Variants in SCML2 observed in about 807,000 individuals in gnomAD.
SCML2 encodes Scm polycomb group protein like 2, also known as sex comb on midleg-like protein 2.
Under a neutral mutation model 48.4 loss-of-function variants are expected in SCML2, and 6 were observed. That is an observed-to-expected ratio of 0.12 (90% CI 0.07 to 0.24). The LOEUF (loss-of-function observed/expected upper bound fraction) is 0.24, where lower values mean the gene tolerates loss of function less well. Ranked by LOEUF, SCML2 falls within the 10% of genes least tolerant of loss-of-function variation. SCML2 has a pLI of 1.00. For missense variants in SCML2, 377 were observed against 528.2 expected, an observed-to-expected ratio of 0.71 and a Z score of 2.81; for synonymous variants, 181 against 189.5, an observed-to-expected ratio of 0.95 and a Z score of 0.37.
At chrX:18,289,703 C>A (rs991404121) in intron 7 of SCML2, among the ~76,000 whole-genome samples, 2 of 111,726 alleles carry the variant, frequency 1.8e-5, no homozygotes, top group Non-Finnish European at 3.8e-5. Context: ...CCTACAAAAA[C>A]AGGGAGAAAG....
rs183507130 is a variant in SCML2, at chrX:18,341,080, G to A, written c.-24-6985C>T. ...TTTATTTGTTTGTTCGAATTAATAAGAGCAAATACCTAGGCCTTGGGGCTG... is the reference window on the plus strand; with the variant it reads ...TTTATTTGTTTGTTCGAATTAATAAAAGCAAATACCTAGGCCTTGGGGCTG... On this transcript the variant is annotated intron_variant, in intron 1 of 14. Coordinates refer to ENST00000251900, the MANE Select transcript of SCML2 (RefSeq NM_006089.3). 34 of 142,115 alleles carry A rather than the reference G, an allele frequency of 2.4e-4. No individual in the cohort carries two copies. In the East Asian group the frequency reaches 6.3e-3, roughly 26 times the overall value. The allele number at this position is 142,115 out of a possible 1,213,427, so 11.7% of individuals were successfully genotyped here. A position where few individuals can be genotyped will look rare whatever the true frequency, so the allele number is the denominator to read the frequency against.
intron 7 of SCML2, among the ~76,000 whole-genome samples, chrX:18,304,189 G>A (rs1316125382): frequency 1.8e-5 from 2 of 111,108 alleles, no homozygotes; most frequent in Non-Finnish European, 3.8e-5. Flanking sequence ...CCAGGCACAC[G>A]CCACCGCGCC....
chrX:18,247,924 A>C (rs1343862066), intron 11 of SCML2, 42 bp from the exon 12 acceptor site: 1 of 945,264 alleles, frequency 1.1e-6, no homozygotes, highest in Non-Finnish European at 1.5e-6. Context: ...TAACGAACTA[A>C]TATACTCAAG....
At chrX:18,350,920 G>C (rs1040490953) in intron 1 of SCML2, among the ~76,000 whole-genome samples, 77 of 111,064 alleles carry the variant, frequency 6.9e-4, no homozygotes, top group African/African-American at 2.0e-3. Context: ...CCAAGACAAA[G>C]AGATCCTGAA....
At chrX:18,263,177 A>G (rs1318383608) in intron 8 of SCML2, among the ~76,000 whole-genome samples, 1 of 110,509 alleles carries the variant, frequency 9.0e-6, no homozygotes, top group Non-Finnish European at 1.9e-5. Flanking sequence ...GGGGATTAGA[A>G]TGTACATCCT....
rs1929398269 is a variant in SCML2 at position 18,323,915 on chromosome X, T to A, written c.341A>T (p.Asp114Val). 1 of 1,209,549 alleles carries A rather than the reference T, an allele frequency of 8.3e-7. No homozygotes were observed. ...NDFWRLVDSP[D>V]IQPVGTCEKE... ...TTCACATGTCCCAACAGGTTGTATG[T>A]CTGGGGAATCGACAAGCCTCCAAAA... Residue 114 changes from aspartate to valine, a missense_variant, in exon 5 of 15, where the codon GAC becomes GTC. This residue lies in a region of SCML2 where 17 missense variants were observed against 42.8 expected (regional missense o/e 0.40). Transcript: ENST00000251900.
chrX:18,324,986 A>C lies in SCML2; in HGVS notation c.92-9T>G, dbSNP rs1472753207. Reference sequence around the variant, plus strand: ...CTCCCAGTGGAAATCATCTGGAAAAAACACATGTGCAAAATAGTTTCTTAA... The same window carrying C: ...CTCCCAGTGGAAATCATCTGGAAAACACACATGTGCAAAATAGTTTCTTAA... On this transcript the variant is annotated splice_polypyrimidine_tract_variant and intron_variant, in intron 3 of 14. Coordinates refer to ENST00000251900, the MANE Select transcript of SCML2 (RefSeq NM_006089.3). 2 of 1,159,008 alleles carry C rather than the reference A, an allele frequency of 1.7e-6. No homozygotes were observed. The highest frequency in any genetic ancestry group is 4.4e-5 in the Admixed American group (2 of 45,269).
At chrX:18,286,821 TCAC>T (rs888394323) in intron 7 of SCML2, among the ~76,000 whole-genome samples, 6 of 111,750 alleles carry the variant, frequency 5.4e-5, no homozygotes, top group South Asian at 3.7e-4. Context: ...TTGCAACTGA[TCAC>T]CACAAGGAAA....
At chrX:18,251,404 G>T (rs1245538674) in intron 11 of SCML2, among the ~76,000 whole-genome samples, 3 of 107,482 alleles carry the variant, frequency 2.8e-5, no homozygotes, top group Non-Finnish European at 5.7e-5. Context: ...CCTCATATAG[G>T]ACTTGTATCC....
intron 1 of SCML2, 92 bp downstream of exon 1, chrX:18,354,500 T>C: frequency 4.4e-6 from 1 of 226,164 alleles, no homozygotes; most frequent in Non-Finnish European, 8.1e-6. Context: ...CGCGCGCTGA[T>C]GGCTTCTACC....
chrX:18,282,347 T>G (rs1927891369), intron 7 of SCML2, among the ~76,000 whole-genome samples: 1 of 110,384 alleles, frequency 9.1e-6, no homozygotes, highest in Non-Finnish European at 1.9e-5. Flanking sequence ...TATGGACAAC[T>G]CTATGCAAGG....
chrX:18,293,902 G>A (rs1023972696), intron 7 of SCML2, among the ~76,000 whole-genome samples: 11 of 112,201 alleles, frequency 9.8e-5, no homozygotes, highest in African/African-American at 3.2e-4. Context: ...CACAGAAAGT[G>A]TCTTTCGAGG....
intron 2 of SCML2, among the ~76,000 whole-genome samples, chrX:18,333,268 C>A (rs1048796254): frequency 9.1e-6 from 1 of 109,898 alleles, no homozygotes; most frequent in Non-Finnish European, 1.9e-5. Flanking sequence ...CAGAGCAAAA[C>A]CCTGTCTCAA....
At chrX:18,271,361 ACT>A (rs757600488) in intron 7 of SCML2, among the ~76,000 whole-genome samples, 19 of 108,944 alleles carry the variant, frequency 1.7e-4, no homozygotes, top group Non-Finnish European at 3.6e-4. Flanking sequence ...CCAATATGCC[ACT>A]CTGCTTTCTG....
chrX:18,269,301 G>A (rs1377168081), intron 7 of SCML2, among the ~76,000 whole-genome samples: 1 of 111,280 alleles, frequency 9.0e-6, no homozygotes, highest in African/African-American at 3.3e-5. Flanking sequence ...TTTCCCCCAT[G>A]CTGTTCTCGT....
At chrX:18,354,412 G>A (rs1387207858) in intron 1 of SCML2, among the ~76,000 whole-genome samples, 180 bp downstream of exon 1, 6 of 111,809 alleles carry the variant, frequency 5.4e-5, no homozygotes, top group African/African-American at 1.6e-4. Context: ...GAAGGCGCCG[G>A]GGGCGGGATA....
intron 11 of SCML2, among the ~76,000 whole-genome samples, chrX:18,254,508 T>A (rs956738706): frequency 2.1e-4 from 24 of 112,844 alleles, no homozygotes; most frequent in African/African-American, 7.1e-4. Context: ...TTCTGATTAT[T>A]TGATTAATCT....
intron 11 of SCML2, among the ~76,000 whole-genome samples, chrX:18,255,522 A>T (rs1926810797): frequency 8.9e-6 from 1 of 112,117 alleles, no homozygotes; most frequent in Non-Finnish European, 1.9e-5. Context: ...TTTCAAAGGG[A>T]CTCACTGGAC....
intron 1 of SCML2, among the ~76,000 whole-genome samples, chrX:18,348,797 TG>T (rs1930281798): frequency 8.9e-6 from 1 of 111,860 alleles, no homozygotes; most frequent in African/African-American, 3.2e-5. Flanking sequence ...AAAGGGCACA[TG>T]TTTCCAAATG....
Sources: allele counts gnomAD v4.1 joint callset (sites outside exome capture counted in the v4.1 genomes callset), GRCh38; gene constraint gnomAD v4.1.1; regional missense constraint gnomAD v4.1.1; transcripts MANE v1.5; gene names NCBI Gene and HGNC (gene_info 2026-07-23, HGNC 2026-07-21).